Variants in ITGBL1 observed in about 807,000 individuals in gnomAD.
The protein encoded by ITGBL1 is integrin subunit beta like 1.
A neutral mutation model predicts 68.5 loss-of-function variants in ITGBL1; 51 were observed. The ratio of observed to expected loss-of-function variants is 0.74; its 90% CI spans 0.59 to 0.94. The LOEUF (loss-of-function observed/expected upper bound fraction) is 0.94, where lower values mean the gene tolerates loss of function less well. Ranked by LOEUF, ITGBL1 falls within the 40% of genes least tolerant of loss-of-function variation. ITGBL1 has a pLI of 0.00. For missense variants in ITGBL1, 649 were observed against 647.4 expected, an observed-to-expected ratio of 1.00 and a Z score of -0.03; for synonymous variants, 209 against 227.3, an observed-to-expected ratio of 0.92 and a Z score of 0.72.
intron 7 of ITGBL1, among the ~76,000 whole-genome samples, chr13:101,672,321 A>G (rs889210008): frequency 4.6e-5 from 7 of 152,224 alleles, no homozygotes; most frequent in African/African-American, 1.7e-4. Flanking sequence ...TTACTTAGGC[A>G]GATAGTGAGA....
At chr13:101,656,576 A>C (rs2032932039) in intron 7 of ITGBL1, among the ~76,000 whole-genome samples, 1 of 152,218 alleles carries the variant, frequency 6.6e-6, no homozygotes, top group Admixed American at 6.5e-5. Flanking sequence ...GCAAGATAAA[A>C]AAAATCAGAG....
At chr13:101,663,022 C>A (rs530697978) in intron 7 of ITGBL1, among the ~76,000 whole-genome samples, 5 of 152,014 alleles carry the variant, frequency 3.3e-5, no homozygotes, top group Non-Finnish European at 5.9e-5. Flanking sequence ...TAGTGAATGG[C>A]AGAAGGTGTT....
intron 6 of ITGBL1, among the ~76,000 whole-genome samples, chr13:101,594,482 G>A (rs867477463): frequency 2.4e-4 from 36 of 151,872 alleles, no homozygotes; most frequent in African/African-American, 7.2e-4. Context: ...AAAACTACTC[G>A]AAGAAACGTA....
rs2034676354 is a variant in ITGBL1, at chr13:101,715,485, A to G, written c.1394-78A>G. 5.3e-6 allele frequency: 5 copies of G among 947,906 alleles called. No individual in the cohort carries two copies. The South Asian group carries it at 6.6e-5, about 13-fold the overall frequency. 58.7% of individuals were successfully genotyped at this position (947,906 alleles called of 1,614,324 possible). A position where few individuals can be genotyped will look rare whatever the true frequency, so the allele number is the denominator to read the frequency against. ...TGAATGAAATGATTTCATTGTGGACACTTGTGATTTATAATAGCATGTTTA... is the reference window on the plus strand; with the variant it reads ...TGAATGAAATGATTTCATTGTGGACGCTTGTGATTTATAATAGCATGTTTA... On this transcript the variant is annotated intron_variant, in intron 10 of 10. Transcript: ENST00000376180.
At chr13:101,545,793 A>C (rs76926096) in intron 2 of ITGBL1, among the ~76,000 whole-genome samples, 1 of 152,118 alleles carries the variant, frequency 6.6e-6, no homozygotes, top group African/African-American at 2.4e-5. Context: ...TCAACAACTA[A>C]AGGGAGAAGG....
chr13:101,458,612 C>T (rs948260806), intron 2 of ITGBL1, among the ~76,000 whole-genome samples: 1 of 151,874 alleles, frequency 6.6e-6, no homozygotes, highest in Non-Finnish European at 1.5e-5. Flanking sequence ...GAGCCTCCCC[C>T]ACCAGTGGAT....
At chr13:101,694,940 T>C (rs1452827603) in intron 8 of ITGBL1, among the ~76,000 whole-genome samples, 1 of 152,182 alleles carries the variant, frequency 6.6e-6, no homozygotes, top group East Asian at 1.9e-4. Context: ...TTTCATTAAC[T>C]AAACAAATAT....
chr13:101,650,726 C>G (rs560224633), intron 7 of ITGBL1, among the ~76,000 whole-genome samples: 1 of 151,538 alleles, frequency 6.6e-6, no homozygotes, highest in Non-Finnish European at 1.5e-5. Context: ...TGTACAGATC[C>G]GCCCATCACC....
intron 2 of ITGBL1, among the ~76,000 whole-genome samples, chr13:101,500,338 T>C (rs996161958): frequency 2.0e-5 from 3 of 152,218 alleles, no homozygotes; most frequent in African/African-American, 7.2e-5. Context: ...ATATTGGAAA[T>C]GAAAGTTTCA....
At chr13:101,680,995 G>A (rs1167428665) in intron 7 of ITGBL1, among the ~76,000 whole-genome samples, 3 of 152,150 alleles carry the variant, frequency 2.0e-5, no homozygotes, top group East Asian at 1.9e-4. Flanking sequence ...CTGTGTGCAC[G>A]TGCATTTTAC....
chr13:101,639,423 C>T (rs183852223), intron 7 of ITGBL1, among the ~76,000 whole-genome samples: 11 of 152,194 alleles, frequency 7.2e-5, no homozygotes, highest in African/African-American at 2.4e-4. Flanking sequence ...TTGGGTGAGT[C>T]ATCTCCAAGT....
intron 2 of ITGBL1, among the ~76,000 whole-genome samples, chr13:101,459,837 T>C (rs12872304): frequency 6.6e-6 from 1 of 152,194 alleles, no homozygotes; most frequent in African/African-American, 2.4e-5. Context: ...TTAAAATAAT[T>C]AGAATACATT....
intron 6 of ITGBL1, among the ~76,000 whole-genome samples, chr13:101,590,676 A>T (rs556636676): frequency 1.3e-5 from 2 of 152,180 alleles, no homozygotes; most frequent in Admixed American, 1.3e-4. Flanking sequence ...CATGTTCTGT[A>T]CTTTGCCCAG....
chr13:101,631,551 A>G (rs143113329), intron 7 of ITGBL1, among the ~76,000 whole-genome samples: 1 of 152,170 alleles, frequency 6.6e-6, no homozygotes, highest in Non-Finnish European at 1.5e-5. Flanking sequence ...CTACTACCAT[A>G]GATGATGTTG....
At chr13:101,669,788 C>T (rs1278523664) in intron 7 of ITGBL1, among the ~76,000 whole-genome samples, 2 of 152,178 alleles carry the variant, frequency 1.3e-5, no homozygotes, top group Non-Finnish European at 2.9e-5. Context: ...TTTTAAAATA[C>T]CAATTTAATT....
intron 8 of ITGBL1, among the ~76,000 whole-genome samples, chr13:101,694,926 A>C (rs1399815380): frequency 6.6e-6 from 1 of 152,132 alleles, no homozygotes; most frequent in Non-Finnish European, 1.5e-5. Flanking sequence ...TGAAGTAATT[A>C]TTTTTTCATT....
intron 9 of ITGBL1, among the ~76,000 whole-genome samples, chr13:101,709,184 T>G (rs1364291509): frequency 1.3e-5 from 2 of 150,456 alleles, no homozygotes; most frequent in African/African-American, 4.9e-5. Flanking sequence ...GCTAACAAGG[T>G]GAAACCCCGT....
intron 7 of ITGBL1, among the ~76,000 whole-genome samples, chr13:101,653,968 C>A (rs1282151777): frequency 6.6e-6 from 1 of 150,958 alleles, no homozygotes; most frequent in African/African-American, 2.4e-5. Context: ...CCTCCGCCTC[C>A]TAAAGTGCTG....
intron 7 of ITGBL1, among the ~76,000 whole-genome samples, chr13:101,645,840 G>T (rs1271384449): frequency 6.6e-6 from 1 of 152,126 alleles, no homozygotes; most frequent in Non-Finnish European, 1.5e-5. Flanking sequence ...CTCATATTTT[G>T]TGTTCTGGGA....
Sources: allele counts gnomAD v4.1 joint callset (sites outside exome capture counted in the v4.1 genomes callset), GRCh38; gene constraint gnomAD v4.1.1; transcripts MANE v1.5; gene names NCBI Gene and HGNC (gene_info 2026-07-23, HGNC 2026-07-21).